FAM53A: variants seen among roughly 807,000 people sequenced by gnomAD.
FAM53A encodes the protein protein FAM53A.
FAM53A carries 28 observed loss-of-function variants against 26.6 expected under a neutral mutation model. That is an observed-to-expected ratio of 1.05 (90% confidence interval 0.78 to 1.45). FAM53A has a LOEUF of 1.45. Ranked by LOEUF, FAM53A falls within the 40% of genes most tolerant of loss-of-function variation. The probability of loss-of-function intolerance (pLI) is 0.00; values close to 1 mark genes in which losing one functional copy is unlikely to be tolerated. For synonymous variants in FAM53A, 290 were observed against 253.1 expected (o/e 1.15, Z -1.38); for missense variants, 650 against 575.8 (o/e 1.13, Z -1.32).
the FAM53A span, among the ~76,000 whole-genome samples, chr4:1,606,053 T>TC: frequency 6.6e-6 from 1 of 151,420 alleles, no homozygotes; most frequent in Non-Finnish European, 1.5e-5. Flanking sequence ...TTTTTTTTTT[T>TC]TTTGAGATGG....
At chr4:1,666,617 G>A (rs1714255991) in intron 2 of FAM53A, among the ~76,000 whole-genome samples, 1 of 152,254 alleles carries the variant, frequency 6.6e-6, no homozygotes, top group South Asian at 2.1e-4. Flanking sequence ...AATGTCCTCA[G>A]AGGCACACAG....
chr4:1,609,622 A>G, the FAM53A span, among the ~76,000 whole-genome samples: 1 of 152,052 alleles, frequency 6.6e-6, no homozygotes, highest in Admixed American at 6.5e-5. Context: ...CATCAGGGTT[A>G]TAAGTTTCCT....
chr4:1,592,353 G>A, the FAM53A span, among the ~76,000 whole-genome samples: 1 of 152,240 alleles, frequency 6.6e-6, no homozygotes, highest in Admixed American at 6.5e-5. Context: ...GGGAGGCAGC[G>A]TCAGAGCGCG....
intron 1 of FAM53A, among the ~76,000 whole-genome samples, chr4:1,672,184 ACCCAC>A (rs1279026169): frequency 1.8e-4 from 2 of 10,890 alleles, no homozygotes; most frequent in Non-Finnish European, 1.7e-3. Flanking sequence ...GAACCCACGG[ACCCAC>A]GGACCCAGGA....
chr4:1,633,682 T>C (rs1222853265), intron 1 of FAM53A, among the ~76,000 whole-genome samples: 1 of 151,770 alleles, frequency 6.6e-6, no homozygotes, highest in Admixed American at 6.6e-5. Flanking sequence ...TAAGCAAGGC[T>C]CCAAGCATCT....
chr4:1,639,617 G>T (rs995754695), downstream of FAM53A, among the ~76,000 whole-genome samples: 2 of 152,166 alleles, frequency 1.3e-5, no homozygotes, highest in African/African-American at 2.4e-5. Context: ...CAGGAAGGGG[G>T]ATCCCACTTG....
At chr4:1,675,305 C>T (rs184415329) in intron 1 of FAM53A, among the ~76,000 whole-genome samples, 22 of 152,208 alleles carry the variant, frequency 1.4e-4, no homozygotes, top group African/African-American at 4.6e-4. Context: ...ACCTGAGCTC[C>T]GGGAAGCACA....
chr4:1,595,568 C>T, the FAM53A span, among the ~76,000 whole-genome samples: 1 of 152,270 alleles, frequency 6.6e-6, no homozygotes, highest in Admixed American at 6.5e-5. Flanking sequence ...TGGTATAAAT[C>T]GTGGCACAGA....
At chr4:1,607,726 A>C in the FAM53A span, among the ~76,000 whole-genome samples, 2 of 152,254 alleles carry the variant, frequency 1.3e-5, no homozygotes, top group East Asian at 3.9e-4. Flanking sequence ...GGATCACCTG[A>C]GGTCGGGAGT....
chr4:1,621,135 C>T (rs913557128), intron 1 of FAM53A, among the ~76,000 whole-genome samples: 3 of 101,874 alleles, frequency 2.9e-5, no homozygotes, highest in African/African-American at 7.8e-5. Flanking sequence ...GATGGAGTCT[C>T]GCTGTCACCC....
At chr4:1,623,793 T>C (rs1034691452) in intron 1 of FAM53A, among the ~76,000 whole-genome samples, 1 of 152,130 alleles carries the variant, frequency 6.6e-6, no homozygotes, top group Admixed American at 6.5e-5. Context: ...AAAATATCAA[T>C]CAAAAACTTG....
chr4:1,591,624 G>C, the FAM53A span, among the ~76,000 whole-genome samples: 6,419 of 152,312 alleles, frequency 0.042, 386 homozygotes, highest in African/African-American at 0.14. Context: ...GGAATAGGTA[G>C]GTCCTGGTTC....
At chr4:1,597,799 C>G in the FAM53A span, among the ~76,000 whole-genome samples, 4 of 152,344 alleles carry the variant, frequency 2.6e-5, no homozygotes, top group East Asian at 7.7e-4. Flanking sequence ...AGTTCGAGAC[C>G]TGCCTGGCCA....
intron 2 of FAM53A, among the ~76,000 whole-genome samples, chr4:1,660,388 G>A (rs1713739618): frequency 6.6e-6 from 1 of 152,104 alleles, no homozygotes. Context: ...CTTGAGCCCA[G>A]GAGTTTGAGA....
chr4:1,651,979 C>A (rs561835202), intron 4 of FAM53A, among the ~76,000 whole-genome samples: 177 of 150,562 alleles, frequency 1.2e-3, no homozygotes, highest in African/African-American at 4.1e-3. Context: ...CACGCACACA[C>A]CACACGCACA....
intron 2 of FAM53A, 101 bp downstream of exon 2, chr4:1,668,566 C>T (rs1714406689): frequency 7.3e-7 from 1 of 1,374,424 alleles, no homozygotes; most frequent in Non-Finnish European, 1.0e-6. Flanking sequence ...CCCCCCAGGC[C>T]CCTGAGAACT....
chr4:1,673,520 T>C (rs1331457781), intron 1 of FAM53A, among the ~76,000 whole-genome samples: 1 of 151,752 alleles, frequency 6.6e-6, no homozygotes, highest in African/African-American at 2.4e-5. Context: ...GATCAGGAGG[T>C]CAGGAGATCG....
chr4:1,607,138 C>A, the FAM53A span, among the ~76,000 whole-genome samples: 1 of 152,178 alleles, frequency 6.6e-6, no homozygotes, highest in Non-Finnish European at 1.5e-5. Flanking sequence ...CCTGCCTCAG[C>A]CTCCCAAGTA....
chr4:1,621,671 G>A (rs1372361491), intron 1 of FAM53A, among the ~76,000 whole-genome samples: 1 of 152,212 alleles, frequency 6.6e-6, no homozygotes, highest in African/African-American at 2.4e-5. Flanking sequence ...CCACTGGACT[G>A]GGGCAGTCCC....
Sources: allele counts gnomAD v4.1 joint callset (sites outside exome capture counted in the v4.1 genomes callset), GRCh38; gene constraint gnomAD v4.1.1; transcripts MANE v1.5; gene names NCBI Gene and HGNC (gene_info 2026-07-23, HGNC 2026-07-21).